SGCD: variants seen among roughly 807,000 people sequenced by gnomAD.
SGCD encodes the protein delta-sarcoglycan.
A neutral mutation model predicts 36.6 loss-of-function variants in SGCD; 18 were observed. That is an observed-to-expected ratio of 0.49 (90% confidence interval 0.34 to 0.73). The LOEUF (loss-of-function observed/expected upper bound fraction) is 0.73. SGCD is among the 30% of genes least tolerant of loss of function. SGCD has a pLI of 0.01. For missense variants in SGCD, 387 were observed against 346.7 expected (o/e 1.12, Z -0.92); for synonymous variants, 133 against 130.6 (o/e 1.02, Z -0.12).
chr5:156,083,121 T>C (rs1332496956), intron 1 of SGCD, among the ~76,000 whole-genome samples: 1 of 152,152 alleles, frequency 6.6e-6, no homozygotes, highest in African/African-American at 2.4e-5. Flanking sequence ...AATTGTCTTT[T>C]TTTTAAATTG....
chr5:156,428,463 A>G (rs1242680781), intron 3 of SGCD, among the ~76,000 whole-genome samples: 1 of 151,824 alleles, frequency 6.6e-6, no homozygotes, highest in East Asian at 1.9e-4. Flanking sequence ...TGCTCTGTCA[A>G]TTTTATGTAT....
intron 1 of SGCD, among the ~76,000 whole-genome samples, chr5:156,092,582 A>T (rs1442175293): frequency 1.3e-5 from 2 of 152,160 alleles, no homozygotes; most frequent in African/African-American, 2.4e-5. Context: ...TTGGTCTCTA[A>T]GGTTCTGTCT....
At chr5:156,216,376 T>G (rs975596143) in intron 3 of SGCD, among the ~76,000 whole-genome samples, 2 of 152,194 alleles carry the variant, frequency 1.3e-5, no homozygotes, top group African/African-American at 4.8e-5. Flanking sequence ...TTTGCTCAAT[T>G]TAGCCATTCC....
At chr5:155,943,354 A>C (rs1561658095) in intron 1 of SGCD, among the ~76,000 whole-genome samples, 1 of 152,102 alleles carries the variant, frequency 6.6e-6, no homozygotes, top group African/African-American at 2.4e-5. Context: ...ATTCTGCTTT[A>C]TTGGTGAAAT....
chr5:156,713,464 C>T (rs1755087706), intron 7 of SGCD, among the ~76,000 whole-genome samples: 1 of 151,652 alleles, frequency 6.6e-6, no homozygotes, highest in African/African-American at 2.4e-5. Context: ...GTGAAGGGGT[C>T]CTGTTAGGCA....
chr5:156,419,425 A>G (rs1259399747), intron 3 of SGCD, among the ~76,000 whole-genome samples: 2 of 152,130 alleles, frequency 1.3e-5, no homozygotes, highest in Non-Finnish European at 2.9e-5. Context: ...TGTTGGTGAG[A>G]TAATGTATGG....
chr5:155,965,094 C>G (rs1185101971), intron 1 of SGCD, among the ~76,000 whole-genome samples: 1 of 152,004 alleles, frequency 6.6e-6, no homozygotes, highest in Non-Finnish European at 1.5e-5. Flanking sequence ...CCTTACCTAC[C>G]CTTGCAAGTT....
intron 1 of SGCD, among the ~76,000 whole-genome samples, chr5:156,005,124 A>G (rs928591527): frequency 6.6e-6 from 1 of 152,200 alleles, no homozygotes; most frequent in African/African-American, 2.4e-5. Context: ...TGAAGGATGC[A>G]CAGGTGGATA....
chr5:155,936,810 G>A (rs1433640063), intron 1 of SGCD, among the ~76,000 whole-genome samples: 1 of 152,180 alleles, frequency 6.6e-6, no homozygotes, highest in South Asian at 2.1e-4. Context: ...ATGCCCAGGG[G>A]CACCTGCAGG....
chr5:156,643,733 G>T (rs922943850), intron 6 of SGCD, among the ~76,000 whole-genome samples: 11 of 152,064 alleles, frequency 7.2e-5, no homozygotes, highest in African/African-American at 2.7e-4. Context: ...CCATTCTCTA[G>T]ATTGACTTCC....
At chr5:156,042,262 C>G (rs1759655803) in intron 1 of SGCD, among the ~76,000 whole-genome samples, 2 of 151,846 alleles carry the variant, frequency 1.3e-5, no homozygotes, top group Admixed American at 1.3e-4. Context: ...TGTTAAGCAC[C>G]TGAAAGTGTC....
At chr5:155,875,003 G>A (rs994179797) in intron 1 of SGCD, among the ~76,000 whole-genome samples, 2 of 151,738 alleles carry the variant, frequency 1.3e-5, no homozygotes. Context: ...CCAAAACTGG[G>A]AAAAAAAATG....
At chr5:156,125,839 T>TTTATTATTATTA (rs144493356) in intron 3 of SGCD, among the ~76,000 whole-genome samples, 22 of 131,486 alleles carry the variant, frequency 1.7e-4, no homozygotes, top group East Asian at 4.4e-4. Context: ...CACTCATTCT[T>TTTATTATTATTA]TTATTATTAT....
At chr5:155,916,351 C>T (rs1450370392) in intron 1 of SGCD, among the ~76,000 whole-genome samples, 2 of 152,118 alleles carry the variant, frequency 1.3e-5, no homozygotes, top group Non-Finnish European at 2.9e-5. Context: ...TTAGTGGATA[C>T]ATTTAGGGTT....
At chr5:156,593,499 G>A (rs942354721) in intron 5 of SGCD, among the ~76,000 whole-genome samples, 1 of 152,124 alleles carries the variant, frequency 6.6e-6, no homozygotes, top group Non-Finnish European at 1.5e-5. Flanking sequence ...GCTAATAAGA[G>A]TGACTCTGTT....
At chr5:156,604,726 A>ATATATGTATATCTACATATATACACATTT in intron 6 of SGCD, among the ~76,000 whole-genome samples, 1 of 110,088 alleles carries the variant, frequency 9.1e-6, no homozygotes, top group South Asian at 3.3e-4. Flanking sequence ...TATGCACATT[A>ATATATGTATATCTACATATATACACATTT]TATATGTATA....
At chr5:156,195,241 A>T (rs1228347894) in intron 3 of SGCD, among the ~76,000 whole-genome samples, 1 of 152,174 alleles carries the variant, frequency 6.6e-6, no homozygotes, top group Non-Finnish European at 1.5e-5. Flanking sequence ...AAGAGAGAAG[A>T]CTATTTATTA....
At chr5:156,581,116 G>C (rs943639063) in intron 4 of SGCD, among the ~76,000 whole-genome samples, 4 of 152,158 alleles carry the variant, frequency 2.6e-5, no homozygotes, top group Admixed American at 2.6e-4. Flanking sequence ...TGATGTTGAT[G>C]CTATTCCTTT....
At chr5:156,313,997 C>T (rs1196974073) in intron 3 of SGCD, among the ~76,000 whole-genome samples, 2 of 151,770 alleles carry the variant, frequency 1.3e-5, no homozygotes, top group Non-Finnish European at 2.9e-5. Context: ...AAATCTTAGC[C>T]CACAATTCCT....
Sources: gnomAD v4.1 joint callset for allele counts (sites outside exome capture counted in the v4.1 genomes callset) on GRCh38, gnomAD v4.1.1 for gene constraint, MANE v1.5 for transcripts, NCBI Gene and HGNC (gene_info 2026-07-23, HGNC 2026-07-21) for gene names.